The following SEPTIN6 variants were observed in gnomAD, a reference collection of about 807,000 sequenced individuals.
SEPTIN6 encodes septin-6.
Under a neutral mutation model 33.6 loss-of-function variants are expected in SEPTIN6, and 8 were observed. The observed-to-expected ratio is 0.24, with a 90% confidence interval of 0.14 to 0.43. The LOEUF (loss-of-function observed/expected upper bound fraction) is 0.43, where lower values mean the gene tolerates loss of function less well. Ranked by LOEUF, SEPTIN6 falls within the 20% of genes least tolerant of loss-of-function variation. The pLI is 1.00. For synonymous variants in SEPTIN6, 131 were observed against 140.0 expected (o/e 0.94, Z 0.45); for missense variants, 250 against 340.8 (o/e 0.73, Z 2.10).
At chrX:119,660,038 A>G (rs938262789) in intron 3 of SEPTIN6, among the ~76,000 whole-genome samples, 1 of 110,024 alleles carries the variant, frequency 9.1e-6, no homozygotes, top group Non-Finnish European at 1.9e-5. Flanking sequence ...ATGCCCAGCT[A>G]ATTTTTTGTA....
chrX:119,625,278 G>T, intron 10 of SEPTIN6, 57 bp downstream of exon 10: 2 of 827,279 alleles, frequency 2.4e-6, no homozygotes, highest in Non-Finnish European at 3.6e-6. Flanking sequence ...GTGCGGGATT[G>T]GGGGAGATAT....
intron 4 of SEPTIN6, 139 bp from the exon 5 acceptor site, chrX:119,650,237 C>A: frequency 3.8e-5 from 20 of 529,165 alleles, no homozygotes; most frequent in Admixed American, 6.4e-5. Context: ...AGCCAAATGA[C>A]AATATAATAA....
chrX:119,665,666 A>G (rs372063795), intron 2 of SEPTIN6, among the ~76,000 whole-genome samples: 25 of 111,256 alleles, frequency 2.2e-4, no homozygotes, highest in Non-Finnish European at 3.8e-4. Context: ...CAAGGGGGCT[A>G]AACAGGAATC....
intron 6 of SEPTIN6, among the ~76,000 whole-genome samples, chrX:119,638,479 G>T (rs745873780): frequency 9.0e-6 from 1 of 111,616 alleles, no homozygotes; most frequent in African/African-American, 3.3e-5. Context: ...GAAAAATGGT[G>T]TCTGAAGTGA....
intron 1 of SEPTIN6, among the ~76,000 whole-genome samples, chrX:119,683,719 AACAGGGAAAATGTT>A (rs1404039656): frequency 1.8e-5 from 2 of 111,574 alleles, no homozygotes; most frequent in Non-Finnish European, 3.8e-5. Flanking sequence ...TACTTTTATA[AACAGGGAAAATGTT>A]ACTTTTTTAA....
At chrX:119,686,607 C>G (rs978702333) in intron 1 of SEPTIN6, 2 of 968,328 alleles carry the variant, frequency 2.1e-6, no homozygotes, top group African/African-American at 4.0e-5. Context: ...GCAGAGAAAC[C>G]CACGGTTTCA....
At chrX:119,628,945 C>A in intron 9 of SEPTIN6, 1 of 141,493 alleles carries the variant, frequency 7.1e-6, no homozygotes, top group Non-Finnish European at 1.4e-5. Context: ...CCACCGTGCC[C>A]GGCCTTGTTC....
chrX:119,675,605 G>T lies in SEPTIN6; in HGVS notation c.94C>A (p.Leu32Met). ...HVGFDSLPDQ[L>M]VNKSVSQGFC... is the part of the protein sequence containing the mutation. Reference sequence around the variant, plus strand: ...CCCTGGCTGACGGACTTATTCACCAGCTGGTCAGGCAAGCTGTCAAACCCC... The same window carrying T: ...CCCTGGCTGACGGACTTATTCACCATCTGGTCAGGCAAGCTGTCAAACCCC... Residue 32 changes from leucine (L) to methionine (M), a missense_variant, in exon 2 of 11, where the codon CTG (leucine) becomes ATG (methionine). Physicochemically the swap from Leu to Met is conservative, Grantham distance 15. Coordinates refer to ENST00000394610, the MANE Select transcript of SEPTIN6 (RefSeq NM_145799.4). 2 of 1,171,280 alleles carry T rather than the reference G, an allele frequency of 1.7e-6. No individual in the cohort carries two copies. The highest frequency in any genetic ancestry group is 1.9e-5 in the South Asian group (1 of 51,647).
chrX:119,629,195 G>A, intron 9 of SEPTIN6, 123 bp downstream of exon 9: 1 of 655,331 alleles, frequency 1.5e-6, no homozygotes, highest in Non-Finnish European at 2.4e-6. Context: ...ACCTCAACCA[G>A]TCTGACAGCC....
At chrX:119,633,189 G>C (rs1398423562) in intron 8 of SEPTIN6, among the ~76,000 whole-genome samples, 171 bp downstream of exon 8, 1 of 111,893 alleles carries the variant, frequency 8.9e-6, no homozygotes, top group Non-Finnish European at 1.9e-5. Flanking sequence ...GGATTGCTGG[G>C]TCGAATGGCA....
At chrX:119,678,577 G>A (rs1410151175) in intron 1 of SEPTIN6, among the ~76,000 whole-genome samples, 1 of 111,253 alleles carries the variant, frequency 9.0e-6, no homozygotes, top group Admixed American at 9.6e-5. Flanking sequence ...ATCACTCAAG[G>A]CTTTGTTCTA....
At chrX:119,624,144 GTTTT>G (rs11338110) in intron 10 of SEPTIN6, 2 of 208,215 alleles carry the variant, frequency 9.6e-6, no homozygotes, top group East Asian at 1.3e-4. Flanking sequence ...TTTATTATGG[GTTTT>G]TTTTTTTTGT....
chrX:119,638,585 C>G (rs1313062582), intron 6 of SEPTIN6, among the ~76,000 whole-genome samples: 1 of 111,690 alleles, frequency 9.0e-6, no homozygotes, highest in Non-Finnish European at 1.9e-5. Context: ...ATAGTTGAAG[C>G]AGACTACCTT....
At chrX:119,683,983 A>G (rs2055008147) in intron 1 of SEPTIN6, among the ~76,000 whole-genome samples, 1 of 103,559 alleles carries the variant, frequency 9.7e-6, no homozygotes, top group African/African-American at 3.6e-5. Flanking sequence ...TCTGTCAACC[A>G]GGCTGGAGTG....
rs141096536 is a variant in SEPTIN6, at chrX:119,636,410, C to T, written c.956+617G>A. Among the ~76,000 whole-genome samples the T allele has an allele frequency of 4.8e-3, 542 of 111,876 alleles. 1 individual carries two copies. The highest frequency in any genetic ancestry group is 0.017 in the African/African-American group (522 of 30,733). ...CTGCTTTCAAAAACATTCCCCTTCT[C>T]TAAAAGCATTCTGATTTAAGAAATA... On this transcript the variant is annotated intron_variant, in intron 7 of 10. Coordinates refer to ENST00000394610, the MANE Select transcript of SEPTIN6 (RefSeq NM_145799.4).
chrX:119,681,115 G>A lies in SEPTIN6; in HGVS notation c.31-5447C>T, dbSNP rs760380908. 2.7e-5 allele frequency among the ~76,000 whole-genome samples: 3 copies of A among 111,296 alleles called. No individual in the cohort carries two copies. In the East Asian group the frequency reaches 8.4e-4, roughly 31 times the overall value. On this transcript the variant is annotated intron_variant, in intron 1 of 10. Coordinates refer to ENST00000394610, the MANE Select transcript of SEPTIN6 (RefSeq NM_145799.4). ...TATGAGTATCAGTCCGCATTGTTCA[G>A]AGTTAAATACGCAAAGGTAGGAAGG...
At chrX:119,650,640 C>A (rs73602329) in intron 4 of SEPTIN6, among the ~76,000 whole-genome samples, 2,577 of 110,797 alleles carry the variant, frequency 0.023, 76 homozygotes, top group African/African-American at 0.077. Flanking sequence ...CCCAACCCAT[C>A]GGGTCTAGTC....
intron 3 of SEPTIN6, among the ~76,000 whole-genome samples, chrX:119,658,009 C>T (rs2054478829): frequency 9.0e-6 from 1 of 111,041 alleles, no homozygotes; most frequent in Non-Finnish European, 1.9e-5. Flanking sequence ...CGCCTGTAGT[C>T]CCAGCTACTC....
downstream of SEPTIN6, chrX:119,616,412 C>T (rs770890724): frequency 4.7e-6 from 2 of 426,423 alleles, no homozygotes; most frequent in Admixed American, 5.7e-5. Context: ...GCCCCAGTCA[C>T]TTACACTTGG....
Sources: gnomAD v4.1 joint callset for allele counts (sites outside exome capture counted in the v4.1 genomes callset) on GRCh38, gnomAD v4.1.1 for gene constraint, MANE v1.5 for transcripts, NCBI Gene and HGNC (gene_info 2026-07-23, HGNC 2026-07-21) for gene names.